Variants in SDK1 observed in about 807,000 individuals in gnomAD.
SDK1 encodes sidekick cell adhesion molecule 1.
In SDK1, 157 loss-of-function variants were observed where a neutral mutation model predicts 245.5. That is an observed-to-expected ratio of 0.64 (90% CI 0.56 to 0.73). The LOEUF (loss-of-function observed/expected upper bound fraction) is 0.73. SDK1 is among the 30% of genes least tolerant of loss of function. The pLI, the probability that SDK1 is intolerant of heterozygous loss-of-function variation, is 0.00. For missense variants in SDK1, 3,583 were observed against 3,002.3 expected (o/e 1.19, Z -4.52); for synonymous variants, 1,647 against 1,278.5 (o/e 1.29, Z -6.15).
intron 44 of SDK1, among the ~76,000 whole-genome samples, chr7:4,258,611 G>A (rs541505231): frequency 1.3e-3 from 192 of 152,256 alleles, no homozygotes; most frequent in African/African-American, 4.0e-3. Context: ...TTTTGGCCCC[G>A]GTCTGGCCCC....
At chr7:3,839,229 T>A (rs1780099338) in intron 5 of SDK1, among the ~76,000 whole-genome samples, 1 of 152,180 alleles carries the variant, frequency 6.6e-6, no homozygotes, top group African/African-American at 2.4e-5. Flanking sequence ...CTCCTCTTCC[T>A]TGTTGCATTG....
chr7:3,831,525 A>G (rs1444221968), intron 5 of SDK1, among the ~76,000 whole-genome samples: 3 of 152,128 alleles, frequency 2.0e-5, no homozygotes, highest in African/African-American at 7.2e-5. Flanking sequence ...AAAATATATT[A>G]TTTTCTGATT....
chr7:3,925,536 T>C (rs370736426), intron 5 of SDK1, among the ~76,000 whole-genome samples: 4 of 152,186 alleles, frequency 2.6e-5, no homozygotes, highest in South Asian at 2.1e-4. Flanking sequence ...TGGAGACAGA[T>C]GAACGCATGC....
chr7:3,332,593 C>T lies in SDK1; in HGVS notation c.298+30709C>T, dbSNP rs4590337. Among the ~76,000 whole-genome samples the T allele has an allele frequency of 5.9e-3, 892 of 152,060 alleles. 9 individuals carry two copies. The highest frequency in any genetic ancestry group is 0.02 in the African/African-American group (824 of 41,442). On this transcript the variant is annotated intron_variant, in intron 1 of 44. Transcript: ENST00000404826. ...TGCCATTTATAATAAATGTAAATGG[C>T]CTGCCATTTATTTTAGAATTACTCT...
At chr7:3,628,863 G>A (rs976800698) in intron 2 of SDK1, among the ~76,000 whole-genome samples, 4 of 152,170 alleles carry the variant, frequency 2.6e-5, no homozygotes, top group East Asian at 1.9e-4. Flanking sequence ...TCTGCTTACT[G>A]CCTTGAGGGG....
intron 1 of SDK1, among the ~76,000 whole-genome samples, chr7:3,309,524 A>ATTTTTTT (rs59762021): frequency 0.12 from 15,463 of 126,828 alleles, 1,311 homozygotes; most frequent in East Asian, 0.31. Context: ...CTAGAAAAAG[A>ATTTTTTT]TTTTTTTTTT....
In SDK1 at chr7:4,145,763, A is replaced by C; in HGVS notation, c.4270A>C (p.Thr1424Pro). 6.2e-7 allele frequency: 1 copy of C among 1,612,686 alleles called. No homozygotes were observed. Residue 1424 changes from threonine to proline, a missense_variant, in exon 29 of 45, where the codon ACC becomes CCC. Transcript: ENST00000404826. ...CCGCCTGGCCAGCAGCAGCCCCCAC[A>C]CCTTCACCACCGTGGAGGTCGGCGC... is the stretch of plus-strand genomic sequence containing the variant. Reference protein sequence around the residue: ...AYRLASSSPHTFTTVEVGATV... With the variant: ...AYRLASSSPHPFTTVEVGATV...
At chr7:3,346,839 T>A (rs1323356656) in intron 1 of SDK1, among the ~76,000 whole-genome samples, 11 of 118,956 alleles carry the variant, frequency 9.2e-5, no homozygotes, top group African/African-American at 3.4e-4. Context: ...TTTTTTTTTT[T>A]TTTTTTTTTT....
In SDK1 at chr7:4,077,041, T is replaced by C; in HGVS notation, c.3054T>C (p.Arg1018=). ...SWEVYGRNDS[R]LTHTLNSTTH... ...AAGTGTACGGCAGGAACGACTCTCG[T>C]CTCACGCACACCCTGAACAGCACGA... is the stretch of plus-strand genomic sequence containing the variant. Residue 1018 remains arginine, a synonymous_variant, in exon 21 of 45, where the codon CGT becomes CGC. Coordinates refer to ENST00000404826, the MANE Select transcript of SDK1 (RefSeq NM_152744.4). 1 of 1,614,116 alleles carries C rather than the reference T, an allele frequency of 6.2e-7. No homozygotes were observed. Among genetic ancestry groups the C allele is most frequent in the Non-Finnish European group, 8.5e-7 (1 of 1,180,014 alleles).
chr7:3,918,582 G>A (rs1439601790), intron 5 of SDK1, among the ~76,000 whole-genome samples: 1 of 152,128 alleles, frequency 6.6e-6, no homozygotes, highest in African/African-American at 2.4e-5. Context: ...ATTTCATTCT[G>A]TATTACAATG....
intron 13 of SDK1, among the ~76,000 whole-genome samples, chr7:3,984,639 G>C (rs1038822093): frequency 6.6e-6 from 1 of 152,100 alleles, no homozygotes; most frequent in Non-Finnish European, 1.5e-5. Flanking sequence ...TGAGCTGGCT[G>C]TACAACCCTC....
At chr7:3,415,581 C>CAT (rs1328487567) in intron 1 of SDK1, among the ~76,000 whole-genome samples, 3 of 151,842 alleles carry the variant, frequency 2.0e-5, no homozygotes, top group African/African-American at 7.3e-5. Flanking sequence ...TGGAAATGCC[C>CAT]ATATACACAC....
intron 17 of SDK1, among the ~76,000 whole-genome samples, chr7:4,021,931 A>G (rs1294165268): frequency 2.6e-5 from 4 of 152,194 alleles, no homozygotes; most frequent in Non-Finnish European, 5.9e-5. Flanking sequence ...CAGGTCCTTC[A>G]GGCCATGACT....
chr7:3,851,702 A>G (rs937102763), intron 5 of SDK1, among the ~76,000 whole-genome samples: 1 of 152,230 alleles, frequency 6.6e-6, no homozygotes, highest in Non-Finnish European at 1.5e-5. Context: ...GTAATTTTAC[A>G]CAGTCCACCA....
intron 1 of SDK1, among the ~76,000 whole-genome samples, chr7:3,607,477 T>C (rs1053838294): frequency 1.3e-5 from 2 of 152,248 alleles, no homozygotes; most frequent in African/African-American, 2.4e-5. Flanking sequence ...GATCCTATTC[T>C]GTGTTCCTTT....
At chr7:4,075,686 G>A (rs1433533414) in intron 20 of SDK1, among the ~76,000 whole-genome samples, 2 of 148,230 alleles carry the variant, frequency 1.3e-5, no homozygotes, top group Middle Eastern at 3.4e-3. Context: ...ACAAAGTCTT[G>A]CTCTGTCACC....
At chr7:3,569,424 T>C (rs1345671973) in intron 1 of SDK1, among the ~76,000 whole-genome samples, 1 of 152,220 alleles carries the variant, frequency 6.6e-6, no homozygotes, top group Non-Finnish European at 1.5e-5. Context: ...CAACTAATCA[T>C]GGTGCTGGGA....
chr7:3,840,663 T>C (rs1780134179), intron 5 of SDK1, among the ~76,000 whole-genome samples: 1 of 152,244 alleles, frequency 6.6e-6, no homozygotes, highest in Admixed American at 6.5e-5. Flanking sequence ...GTGATGCTGA[T>C]ACTGCGGTTC....
chr7:3,479,565 TA>T (rs1256697667), intron 1 of SDK1, among the ~76,000 whole-genome samples: 3 of 151,964 alleles, frequency 2.0e-5, no homozygotes, highest in Non-Finnish European at 4.4e-5. Context: ...TGAGATATGT[TA>T]AAATTACTTC....
Sources: gnomAD v4.1 joint callset for allele counts (sites outside exome capture counted in the v4.1 genomes callset) on GRCh38, gnomAD v4.1.1 for gene constraint, MANE v1.5 for transcripts, NCBI Gene and HGNC (gene_info 2026-07-23, HGNC 2026-07-21) for gene names.